The following DCBLD1 variants were observed in gnomAD, a reference collection of about 807,000 sequenced individuals.
DCBLD1 encodes the protein discoidin, CUB and LCCL domain containing 1, also known as discoidin, CUB and LCCL domain-containing protein 1.
DCBLD1 carries 57 observed loss-of-function variants against 71.5 expected under a neutral mutation model. The observed-to-expected ratio is 0.80, with a 90% CI of 0.64 to 0.99. The LOEUF is 0.99. DCBLD1 is among the 50% of genes least tolerant of loss of function. DCBLD1 has a pLI of 0.00. For missense variants in DCBLD1, 891 were observed against 923.5 expected, an observed-to-expected ratio of 0.96 and a Z score of 0.46; for synonymous variants, 380 against 363.8, an observed-to-expected ratio of 1.04 and a Z score of -0.51.
At chr6:117,517,559 A>G (rs192468138) in intron 2 of DCBLD1, among the ~76,000 whole-genome samples, 1 of 152,238 alleles carries the variant, frequency 6.6e-6, no homozygotes, top group African/African-American at 2.4e-5. Flanking sequence ...CTTCTGCACT[A>G]CCCAAGCAGA....
chr6:117,529,563 G>C (rs1358352778), intron 5 of DCBLD1, among the ~76,000 whole-genome samples: 1 of 152,044 alleles, frequency 6.6e-6, no homozygotes, highest in East Asian at 1.9e-4. Context: ...TGTACCATCT[G>C]TTCAAAAGGG....
intron 2 of DCBLD1, among the ~76,000 whole-genome samples, chr6:117,510,222 A>G (rs1777971518): frequency 6.6e-6 from 1 of 152,048 alleles, no homozygotes; most frequent in Non-Finnish European, 1.5e-5. Flanking sequence ...CATTTCCCAA[A>G]TGCATCATAC....
intron 1 of DCBLD1, among the ~76,000 whole-genome samples, chr6:117,496,888 G>C (rs1777489923): frequency 6.6e-6 from 1 of 152,098 alleles, no homozygotes; most frequent in Admixed American, 6.5e-5. Context: ...TTTAACTTTT[G>C]TTCATTGTTT....
rs548725020 is a variant in DCBLD1, at chr6:117,519,882, G to A, written c.392G>A (p.Arg131His). Residue 131 changes from arginine to histidine, a missense_variant, in exon 3 of 15, where the codon CGC (arginine) becomes CAC (histidine). By Grantham distance (29) the Arg-to-His change is conservative (BLOSUM62 0). Transcript: ENST00000338728. ...LLLNTSEVTV[R>H]FESGSHISGR... ...TTGAACACAAGTGAAGTAACCGTCC[G>A]CTTTGAGAGTGGATCCCACATTTCT... 50 of 1,614,132 alleles carry A rather than the reference G, an allele frequency of 3.1e-5. No individual in the cohort carries two copies. The Admixed American group carries it at 5.7e-4, about 18-fold the overall frequency.
chr6:117,518,796 C>T (rs566160248), intron 2 of DCBLD1, among the ~76,000 whole-genome samples: 1 of 152,180 alleles, frequency 6.6e-6, no homozygotes, highest in African/African-American at 2.4e-5. Flanking sequence ...CACCAGGTCC[C>T]TCCCACAACA....
At chr6:117,528,096 G>A (rs1778600587) in intron 5 of DCBLD1, among the ~76,000 whole-genome samples, 2 of 152,146 alleles carry the variant, frequency 1.3e-5, no homozygotes, top group Non-Finnish European at 2.9e-5. Flanking sequence ...AACATGTAGT[G>A]CGCTGCAGTT....
intron 2 of DCBLD1, among the ~76,000 whole-genome samples, chr6:117,505,236 C>T (rs748441005): frequency 7.2e-5 from 11 of 152,164 alleles, no homozygotes; most frequent in Non-Finnish European, 1.6e-4. Context: ...GATGACACTT[C>T]CAGGGATGCT....
At chr6:117,538,503 C>A (rs1778975222) in intron 7 of DCBLD1, 117 bp from the exon 8 acceptor site, 2 of 927,356 alleles carry the variant, frequency 2.2e-6, no homozygotes, top group Admixed American at 2.4e-5. Context: ...ACACTTTATT[C>A]CATATCAGAA....
In DCBLD1 at chr6:117,543,226, C is replaced by T; in HGVS notation, c.1445+15C>T. ...GCCTTTAGAAAGTATGGTGACTTTA[C>T]ATGTTTAAATTTCTTCTCTAATTAT... is the stretch of plus-strand genomic sequence containing the variant. On this transcript the variant is annotated intron_variant, in intron 12 of 14. Coordinates refer to ENST00000338728, the MANE Select transcript of DCBLD1 (RefSeq NM_001366458.2). 2 of 1,611,228 alleles carry T rather than the reference C, an allele frequency of 1.2e-6. No homozygotes were observed. Among genetic ancestry groups the T allele is most frequent in the Non-Finnish European group, 1.7e-6 (2 of 1,177,546 alleles).
chr6:117,505,685 G>C (rs777619868), intron 2 of DCBLD1, among the ~76,000 whole-genome samples: 2 of 152,192 alleles, frequency 1.3e-5, no homozygotes, highest in Non-Finnish European at 2.9e-5. Context: ...AGGCAGAAAA[G>C]GTCAGGGGCG....
intron 11 of DCBLD1, among the ~76,000 whole-genome samples, chr6:117,542,792 G>A (rs1779142505): frequency 6.6e-6 from 1 of 151,822 alleles, no homozygotes; most frequent in Non-Finnish European, 1.5e-5. Flanking sequence ...GTTCTCACCT[G>A]AGGGGTGGGG....
At chr6:117,518,236 C>A (rs1778270553) in intron 2 of DCBLD1, among the ~76,000 whole-genome samples, 2 of 152,206 alleles carry the variant, frequency 1.3e-5, no homozygotes, top group African/African-American at 4.8e-5. Flanking sequence ...AGTCTCTTTG[C>A]TCAAACATAA....
chr6:117,532,466 CT>C, intron 6 of DCBLD1, 73 bp downstream of exon 6: 1 of 1,462,796 alleles, frequency 6.8e-7, no homozygotes, highest in Non-Finnish European at 9.0e-7. Flanking sequence ...CAGCTCACAA[CT>C]TTGAAAAGAC....
chr6:117,506,523 G>T, intron 2 of DCBLD1, among the ~76,000 whole-genome samples: 1 of 152,214 alleles, frequency 6.6e-6, no homozygotes, highest in African/African-American at 2.4e-5. Context: ...CTACTTTAAA[G>T]ATTTCCTTTG....
At chr6:117,483,023 A>T (rs1776956086) in intron 1 of DCBLD1, 130 bp downstream of exon 1, 1 of 988,446 alleles carries the variant, frequency 1.0e-6, no homozygotes, top group Non-Finnish European at 1.2e-6. Context: ...CGCGGGAGGA[A>T]GTCGGGCTCG....
In DCBLD1 at chr6:117,503,829, C is replaced by A; in HGVS notation, c.175C>A (p.Pro59Thr). Residue 59 changes from proline to threonine, a missense_variant, in exon 2 of 15, where the codon CCC becomes ACC. Physicochemically the swap from Pro to Thr is conservative, Grantham distance 38 (BLOSUM62 -1). Coordinates refer to ENST00000338728, the MANE Select transcript of DCBLD1 (RefSeq NM_001366458.2). Reference protein sequence around the residue: ...DSGTMTSKNYPGTYPNHTVCE... With the variant: ...DSGTMTSKNYTGTYPNHTVCE... ...TGGCACAATGACATCTAAGAATTAT[C>A]CCGGGACCTACCCCAATCACACTGT... 6.2e-7 allele frequency: 1 copy of A among 1,614,040 alleles called. No homozygotes were observed. The highest frequency in any genetic ancestry group is 1.1e-5 in the South Asian group (1 of 91,074).
chr6:117,525,592 A>G (rs951371202), intron 5 of DCBLD1, among the ~76,000 whole-genome samples, 158 bp downstream of exon 5: 18 of 148,736 alleles, frequency 1.2e-4, no homozygotes, highest in African/African-American at 3.1e-4. Flanking sequence ...TATAAAAACC[A>G]AGGTTACCCA....
At chr6:117,516,439 T>C (rs940178366) in intron 2 of DCBLD1, among the ~76,000 whole-genome samples, 1 of 152,144 alleles carries the variant, frequency 6.6e-6, no homozygotes, top group African/African-American at 2.4e-5. Flanking sequence ...GTGAACATCT[T>C]TTATTTAGAT....
chr6:117,554,485 T>C (rs1779470778), downstream of DCBLD1, among the ~76,000 whole-genome samples: 1 of 152,240 alleles, frequency 6.6e-6, no homozygotes. Context: ...CTAGAGCCAG[T>C]CAGATGATTA....
Sources: allele counts gnomAD v4.1 joint callset (sites outside exome capture counted in the v4.1 genomes callset), GRCh38; gene constraint gnomAD v4.1.1; transcripts MANE v1.5; gene names NCBI Gene and HGNC (gene_info 2026-07-23, HGNC 2026-07-21).